The following CDYL2 variants were observed in gnomAD, a reference collection of about 807,000 sequenced individuals.
CDYL2 encodes chromodomain Y like 2, also known as chromodomain Y-like protein 2.
Under a neutral mutation model 49.4 loss-of-function variants are expected in CDYL2, and 23 were observed. The observed-to-expected ratio is 0.47, with a 90% CI of 0.34 to 0.66. CDYL2 has a LOEUF of 0.66. Among genes scored for constraint, CDYL2 ranks in the 30% least tolerant of loss-of-function variants. The pLI is 0.01. For missense variants in CDYL2, 678 were observed against 656.4 expected (o/e 1.03, Z -0.36); for synonymous variants, 360 against 268.8 (o/e 1.34, Z -3.32).
chr16:80,709,594 ACT>A (rs1491131854), intron 1 of CDYL2, among the ~76,000 whole-genome samples: 2 of 150,422 alleles, frequency 1.3e-5, no homozygotes, highest in African/African-American at 4.9e-5. Flanking sequence ...ACACACACAC[ACT>A]TCCTCAAACA....
intron 1 of CDYL2, among the ~76,000 whole-genome samples, chr16:80,760,597 A>G (rs112397267): frequency 4.5e-4 from 68 of 152,306 alleles, no homozygotes; most frequent in African/African-American, 1.3e-3. Context: ...CGTATACCCC[A>G]TAAATATATG....
At chr16:80,636,691 A>T (rs1250829182) in intron 2 of CDYL2, among the ~76,000 whole-genome samples, 2 of 152,220 alleles carry the variant, frequency 1.3e-5, no homozygotes, top group Non-Finnish European at 2.9e-5. Flanking sequence ...TAACCCAGCA[A>T]TCCCATCCTG....
intron 1 of CDYL2, among the ~76,000 whole-genome samples, chr16:80,764,482 AG>A (rs1326022854): frequency 6.6e-6 from 1 of 152,302 alleles, no homozygotes; most frequent in African/African-American, 2.4e-5. Context: ...AGGAAAAAAA[AG>A]TCTTCCAGTA....
intron 1 of CDYL2, among the ~76,000 whole-genome samples, chr16:80,739,099 T>C (rs966796670): frequency 2.0e-5 from 3 of 152,230 alleles, no homozygotes; most frequent in African/African-American, 7.2e-5. Flanking sequence ...TTCTGACATA[T>C]ACTTCAATAT....
At chr16:80,631,396 G>T (rs115900962) in intron 3 of CDYL2, among the ~76,000 whole-genome samples, 2 of 152,152 alleles carry the variant, frequency 1.3e-5, no homozygotes, top group African/African-American at 4.8e-5. Context: ...CCTTTGTGCC[G>T]TCAAGAATCT....
intron 1 of CDYL2, among the ~76,000 whole-genome samples, chr16:80,723,839 A>G (rs1234582516): frequency 2.0e-5 from 3 of 152,004 alleles, no homozygotes; most frequent in African/African-American, 7.2e-5. Context: ...AGAAGAAGAA[A>G]CAGAGGAGAG....
At chr16:80,656,385 T>A (rs1384777429) in intron 2 of CDYL2, among the ~76,000 whole-genome samples, 2 of 152,232 alleles carry the variant, frequency 1.3e-5, no homozygotes, top group African/African-American at 4.8e-5. Context: ...CAGGGTGACG[T>A]CCAGTCGGGG....
intron 1 of CDYL2, among the ~76,000 whole-genome samples, chr16:80,700,870 T>A (rs1055322690): frequency 1.6e-4 from 25 of 152,188 alleles, no homozygotes; most frequent in African/African-American, 5.8e-4. Context: ...AACAGAAAGG[T>A]TTAATTTCCT....
chr16:80,739,435 TA>T (rs1300665357), intron 1 of CDYL2, among the ~76,000 whole-genome samples: 2 of 152,150 alleles, frequency 1.3e-5, no homozygotes, highest in Non-Finnish European at 2.9e-5. Context: ...TATCACAATC[TA>T]AAAAAGAATA....
intron 1 of CDYL2, among the ~76,000 whole-genome samples, chr16:80,774,904 A>T (rs1232118947): frequency 2.4e-5 from 2 of 84,124 alleles, no homozygotes; most frequent in Non-Finnish European, 4.6e-5. Flanking sequence ...GCTAAATATT[A>T]AAAAAAAAAA....
intron 5 of CDYL2, among the ~76,000 whole-genome samples, chr16:80,609,064 G>C (rs566338482): frequency 1.3e-5 from 2 of 152,196 alleles, no homozygotes; most frequent in Non-Finnish European, 2.9e-5. Flanking sequence ...GAAGGGCAGA[G>C]AGCAATCTTC....
At position 80,761,023 on chromosome 16, in the gene CDYL2, C is replaced by T. The variant is rs371806409; in HGVS notation, c.24+43127G>A. Reference sequence around the variant, plus strand: ...CAAACGGACAATGTGCAATAGACTTCAGAATGTAGAGCGTTGTTAATTGTG... The same window carrying T: ...CAAACGGACAATGTGCAATAGACTTTAGAATGTAGAGCGTTGTTAATTGTG... On this transcript the variant is annotated intron_variant, in intron 1 of 6. Transcript: ENST00000570137. Among the ~76,000 whole-genome samples the T allele has an allele frequency of 4.5e-4, 68 of 152,290 alleles. No homozygotes were observed. In the Middle Eastern group the frequency reaches 0.01, roughly 23 times the overall value.
intron 1 of CDYL2, among the ~76,000 whole-genome samples, chr16:80,798,300 C>T (rs1907827175): frequency 1.3e-5 from 2 of 152,216 alleles, no homozygotes; most frequent in African/African-American, 4.8e-5. Context: ...GCCTTGGCCT[C>T]CCACAGTGCT....
intron 2 of CDYL2, among the ~76,000 whole-genome samples, chr16:80,664,294 C>A (rs903436222): frequency 6.6e-6 from 1 of 152,152 alleles, no homozygotes; most frequent in Non-Finnish European, 1.5e-5. Flanking sequence ...GTTCCCTTGG[C>A]CAGGAATGTC....
At chr16:80,634,452 C>T (rs1907723515) in intron 2 of CDYL2, among the ~76,000 whole-genome samples, 1 of 152,136 alleles carries the variant, frequency 6.6e-6, no homozygotes, top group Non-Finnish European at 1.5e-5. Flanking sequence ...ACAATGAGAA[C>T]ACTTGGACCC....
intron 1 of CDYL2, among the ~76,000 whole-genome samples, chr16:80,765,254 A>T (rs1378670571): frequency 6.6e-6 from 1 of 150,772 alleles, no homozygotes; most frequent in African/African-American, 2.4e-5. Context: ...CCGAGTATCC[A>T]TGCTTGTCCA....
chr16:80,694,539 G>A (rs1429213019), intron 1 of CDYL2, among the ~76,000 whole-genome samples: 1 of 152,066 alleles, frequency 6.6e-6, no homozygotes, highest in Non-Finnish European at 1.5e-5. Context: ...AATAAACCCT[G>A]GAATACTGAA....
chr16:80,763,593 CAG>C (rs1328074679), intron 1 of CDYL2, among the ~76,000 whole-genome samples: 1 of 151,562 alleles, frequency 6.6e-6, no homozygotes, highest in Non-Finnish European at 1.5e-5. Flanking sequence ...GCCTGGGTAA[CAG>C]AGCAAGACTC....
At chr16:80,653,125 T>G (rs1236215568) in intron 2 of CDYL2, among the ~76,000 whole-genome samples, 1 of 152,214 alleles carries the variant, frequency 6.6e-6, no homozygotes, top group Non-Finnish European at 1.5e-5. Flanking sequence ...TATAGAAACT[T>G]GCTGTATTTC....
Sources: gnomAD v4.1 joint callset for allele counts (sites outside exome capture counted in the v4.1 genomes callset) on GRCh38, gnomAD v4.1.1 for gene constraint, MANE v1.5 for transcripts, NCBI Gene and HGNC (gene_info 2026-07-23, HGNC 2026-07-21) for gene names.